The following UBE2K variants were observed in gnomAD, a reference collection of about 807,000 sequenced individuals.
UBE2K encodes ubiquitin-conjugating enzyme E2 K.
Under a neutral mutation model 30.0 loss-of-function variants are expected in UBE2K, and 6 were observed. That is an observed-to-expected ratio of 0.20 (90% confidence interval 0.11 to 0.39). The LOEUF (loss-of-function observed/expected upper bound fraction) is 0.39. Ranked by LOEUF, UBE2K falls within the 10% of genes least tolerant of loss-of-function variation. The pLI is 1.00. For synonymous variants in UBE2K, 86 were observed against 83.7 expected (o/e 1.03, Z -0.15); for missense variants, 61 against 241.6 (o/e 0.25, Z 4.96).
intron 1 of UBE2K, among the ~76,000 whole-genome samples, chr4:39,735,472 C>T (rs1720327334): frequency 2.0e-5 from 3 of 152,216 alleles, no homozygotes; most frequent in South Asian, 4.1e-4. Context: ...GCTCCGCCTC[C>T]TGGTTTCACA....
intron 3 of UBE2K, among the ~76,000 whole-genome samples, chr4:39,752,255 G>A (rs1233821353): frequency 6.7e-6 from 1 of 149,798 alleles, no homozygotes. Context: ...TCAGCCATCC[G>A]AGTAGTTGGG....
chr4:39,714,534 A>ATT, intron 1 of UBE2K: 3 of 26,830 alleles, frequency 1.1e-4, no homozygotes, highest in Admixed American at 1.4e-3. Context: ...ATATATATAT[A>ATT]TATATATATA....
intron 4 of UBE2K, among the ~76,000 whole-genome samples, chr4:39,764,889 A>T (rs1037269550): frequency 6.8e-6 from 1 of 147,548 alleles, no homozygotes; most frequent in East Asian, 2.0e-4. Flanking sequence ...GAACTTATTA[A>T]TTTTTTTTTT....
chr4:39,773,844 C>T (rs1713098661), intron 4 of UBE2K, among the ~76,000 whole-genome samples: 1 of 151,762 alleles, frequency 6.6e-6, no homozygotes, highest in Admixed American at 6.6e-5. Context: ...TAGCGTGAAC[C>T]CGGGAGGCGG....
chr4:39,706,336 G>A (rs1386112165), intron 1 of UBE2K, among the ~76,000 whole-genome samples: 1 of 151,658 alleles, frequency 6.6e-6, no homozygotes, highest in Non-Finnish European at 1.5e-5. Context: ...GCTAATTTTT[G>A]TAGTTTTAGT....
At chr4:39,769,095 G>A (rs991762553) in intron 4 of UBE2K, among the ~76,000 whole-genome samples, 1 of 151,906 alleles carries the variant, frequency 6.6e-6, no homozygotes, top group Non-Finnish European at 1.5e-5. Flanking sequence ...GCCTTCCAAA[G>A]TATTGGGATT....
At chr4:39,704,132 G>A (rs12645606) in intron 1 of UBE2K, among the ~76,000 whole-genome samples, 4 of 151,346 alleles carry the variant, frequency 2.6e-5, no homozygotes, top group African/African-American at 7.3e-5. Context: ...GGCTCACATC[G>A]GTAATTGCAG....
chr4:39,758,282 A>G (rs1478903119), intron 4 of UBE2K, among the ~76,000 whole-genome samples: 2 of 152,168 alleles, frequency 1.3e-5, no homozygotes, highest in African/African-American at 2.4e-5. Flanking sequence ...ACACTTTTCC[A>G]AACGGATTAC....
intron 4 of UBE2K, among the ~76,000 whole-genome samples, chr4:39,759,913 T>C (rs1489702091): frequency 1.3e-5 from 2 of 152,126 alleles, no homozygotes; most frequent in African/African-American, 4.8e-5. Context: ...CGGTGGCTCA[T>C]GCCTGTTATC....
At chr4:39,723,381 TTC>T (rs11407762) in intron 1 of UBE2K, among the ~76,000 whole-genome samples, 2 of 147,974 alleles carry the variant, frequency 1.4e-5, no homozygotes, top group African/African-American at 5.1e-5. Context: ...TTTTTTTTTT[TTC>T]CTTCAGACTG....
At chr4:39,717,238 C>CTTT (rs879798081) in intron 1 of UBE2K, among the ~76,000 whole-genome samples, 2 of 144,992 alleles carry the variant, frequency 1.4e-5, no homozygotes, top group Non-Finnish European at 3.0e-5. Flanking sequence ...TCTTTTCTTT[C>CTTT]TTTTTTTTTT....
intron 3 of UBE2K, among the ~76,000 whole-genome samples, chr4:39,748,206 T>C (rs1481998881): frequency 6.6e-6 from 1 of 152,188 alleles, no homozygotes; most frequent in Non-Finnish European, 1.5e-5. Context: ...ATAAATATTT[T>C]ATTAAATCTC....
rs902456804 is a variant in UBE2K, at chr4:39,782,446, G to C, written c.*4012G>C. On this transcript the variant is annotated 3_prime_UTR_variant, in exon 7 of 7. Transcript: ENST00000261427. ...TTTCAGCAATTGATGGTGCTTTGTT[G>C]TGGTGTCTGCTGGAAGTCTACTGCC... 6.6e-6 allele frequency: 1 copy of C among 152,222 alleles called. No homozygotes were observed. The highest frequency in any genetic ancestry group is 2.1e-4 in the South Asian group (1 of 4,814). 9.4% of individuals were successfully genotyped at this position (152,222 alleles called of 1,614,324 possible).
intron 3 of UBE2K, among the ~76,000 whole-genome samples, chr4:39,753,830 G>A (rs1399745504): frequency 6.6e-6 from 1 of 152,170 alleles, no homozygotes; most frequent in Non-Finnish European, 1.5e-5. Context: ...GGTTAAGAGT[G>A]TGGGCTTGGC....
At chr4:39,712,861 C>CTTTTTT (rs542180052) in intron 1 of UBE2K, among the ~76,000 whole-genome samples, 1 of 133,710 alleles carries the variant, frequency 7.5e-6, no homozygotes, top group Non-Finnish European at 1.6e-5. Context: ...TTAGTGTTTA[C>CTTTTTT]TTTTTTTTTT....
chr4:39,738,722 G>C (rs533235299), intron 2 of UBE2K, among the ~76,000 whole-genome samples: 1 of 152,136 alleles, frequency 6.6e-6, no homozygotes, highest in Non-Finnish European at 1.5e-5. Context: ...CTGTCACCCA[G>C]CCTGGAGTGC....
At position 39,722,942 on chromosome 4, in the gene UBE2K, C is replaced by T. The variant is rs528316857; in HGVS notation, c.64-14478C>T. On this transcript the variant is annotated intron_variant, in intron 1 of 6. Coordinates refer to ENST00000261427, the MANE Select transcript of UBE2K (RefSeq NM_005339.5). ...CCCCAAGTATCTGGGATTACAGGCG[C>T]GCACCACCACACCCGGCTAATTTAG... is the stretch of plus-strand genomic sequence containing the variant. Among the ~76,000 whole-genome samples the T allele has an allele frequency of 2.0e-4, 30 of 151,758 alleles. No homozygotes were observed. The South Asian group carries it at 3.5e-3, about 18-fold the overall frequency.
At chr4:39,709,355 C>G (rs939776078) in intron 1 of UBE2K, among the ~76,000 whole-genome samples, 20 of 152,000 alleles carry the variant, frequency 1.3e-4, no homozygotes, top group African/African-American at 4.8e-4. Context: ...AATAGTGTTT[C>G]TTTGTCACCT....
chr4:39,718,750 A>G (rs913304873), intron 1 of UBE2K, among the ~76,000 whole-genome samples: 2 of 152,216 alleles, frequency 1.3e-5, no homozygotes, highest in Non-Finnish European at 2.9e-5. Flanking sequence ...CCTGGGTGCT[A>G]AGCCCCTCAC....
Sources: gnomAD v4.1 joint callset for allele counts (sites outside exome capture counted in the v4.1 genomes callset) on GRCh38, gnomAD v4.1.1 for gene constraint, MANE v1.5 for transcripts, NCBI Gene and HGNC (gene_info 2026-07-23, HGNC 2026-07-21) for gene names.